Variants in PRKG1 observed in about 807,000 individuals in gnomAD.
The protein encoded by PRKG1 is protein kinase cGMP-dependent 1.
PRKG1 carries 35 observed loss-of-function variants against 88.1 expected under a neutral mutation model. That is an observed-to-expected ratio of 0.40 (90% CI 0.30 to 0.53). PRKG1 has a LOEUF of 0.53. Among genes scored for constraint, PRKG1 ranks in the 20% least tolerant of loss-of-function variants. The pLI, the probability that PRKG1 is intolerant of heterozygous loss-of-function variation, is 0.59. For missense variants in PRKG1, 540 were observed against 839.8 expected (o/e 0.64, Z 4.41); for synonymous variants, 303 against 292.5 (o/e 1.04, Z -0.37).
chr10:51,195,821 T>C (rs891273781), intron 2 of PRKG1, among the ~76,000 whole-genome samples: 4 of 152,220 alleles, frequency 2.6e-5, no homozygotes, highest in African/African-American at 9.6e-5. Flanking sequence ...TATTCTTTTA[T>C]ACTAAATTTC....
At chr10:52,113,044 A>G (rs1364934577) in intron 7 of PRKG1, among the ~76,000 whole-genome samples, 1 of 152,120 alleles carries the variant, frequency 6.6e-6, no homozygotes, top group African/African-American at 2.4e-5. Flanking sequence ...TGTTTACTGA[A>G]GCTTCTTTAT....
intron 7 of PRKG1, among the ~76,000 whole-genome samples, chr10:52,077,688 G>A (rs1006979251): frequency 3.3e-5 from 5 of 152,016 alleles, no homozygotes; most frequent in Non-Finnish European, 7.4e-5. Context: ...CTACACACAG[G>A]AGGCTCAGAG....
intron 2 of PRKG1, among the ~76,000 whole-genome samples, chr10:51,417,580 G>A (rs981585543): frequency 3.9e-5 from 6 of 152,060 alleles, no homozygotes; most frequent in Admixed American, 2.0e-4. Flanking sequence ...AGAATTGTAG[G>A]GAATGAGTAA....
At chr10:51,216,251 C>T (rs1050632414) in intron 2 of PRKG1, among the ~76,000 whole-genome samples, 3 of 152,224 alleles carry the variant, frequency 2.0e-5, no homozygotes, top group Admixed American at 2.0e-4. Flanking sequence ...GCAATAACAA[C>T]ATTCAGCATT....
At chr10:51,019,661 A>T (rs78954692) in intron 1 of PRKG1, among the ~76,000 whole-genome samples, 2,311 of 152,080 alleles carry the variant, frequency 0.015, 24 homozygotes, top group Non-Finnish European at 0.023. Context: ...CATGAAAATT[A>T]AAAAAAATTG....
At chr10:51,675,395 A>G (rs766806234) in intron 3 of PRKG1, among the ~76,000 whole-genome samples, 1 of 152,216 alleles carries the variant, frequency 6.6e-6, no homozygotes, top group Non-Finnish European at 1.5e-5. Flanking sequence ...TGATTCTGCA[A>G]ATAACAAAAG....
intron 3 of PRKG1, among the ~76,000 whole-genome samples, chr10:51,737,335 G>A (rs187215169): frequency 7.9e-5 from 12 of 152,272 alleles, no homozygotes; most frequent in Admixed American, 2.6e-4. Context: ...TCTAAAGAGC[G>A]TGTCTCTGCT....
At chr10:51,993,312 T>C (rs1245696109) in intron 5 of PRKG1, among the ~76,000 whole-genome samples, 1 of 151,960 alleles carries the variant, frequency 6.6e-6, no homozygotes, top group Non-Finnish European at 1.5e-5. Context: ...TGTGCCTTGA[T>C]AAAACTTCTC....
intron 7 of PRKG1, among the ~76,000 whole-genome samples, chr10:52,073,905 G>A (rs893688055): frequency 6.6e-5 from 10 of 152,130 alleles, no homozygotes; most frequent in South Asian, 2.1e-4. Context: ...GTATGGGAGC[G>A]CCTTAGCATT....
chr10:51,143,204 A>T (rs1225284149), intron 1 of PRKG1, among the ~76,000 whole-genome samples: 1 of 152,074 alleles, frequency 6.6e-6, no homozygotes, highest in Non-Finnish European at 1.5e-5. Flanking sequence ...ACTTTTTAAG[A>T]TTCCACATAT....
intron 1 of PRKG1, among the ~76,000 whole-genome samples, chr10:51,057,487 G>C (rs1473152561): frequency 2.0e-5 from 3 of 152,116 alleles, no homozygotes; most frequent in African/African-American, 7.2e-5. Flanking sequence ...CCTTACAGCA[G>C]TATAATCACC....
chr10:52,264,960 G>A (rs1407316859), intron 10 of PRKG1, among the ~76,000 whole-genome samples: 1 of 151,992 alleles, frequency 6.6e-6, no homozygotes, highest in East Asian at 1.9e-4. Flanking sequence ...TGTGTTACTT[G>A]GAGTATTTCC....
intron 10 of PRKG1, among the ~76,000 whole-genome samples, chr10:52,259,682 C>T (rs959479482): frequency 1.8e-4 from 27 of 152,046 alleles, no homozygotes; most frequent in African/African-American, 6.0e-4. Context: ...CTTTCACGTT[C>T]ACACTGAGAG....
At chr10:51,833,437 G>C (rs1444480963) in intron 4 of PRKG1, among the ~76,000 whole-genome samples, 4 of 152,118 alleles carry the variant, frequency 2.6e-5, no homozygotes, top group Non-Finnish European at 5.9e-5. Flanking sequence ...AATGCTGATA[G>C]GTATGTATTA....
At chr10:51,817,896 A>G (rs548295437) in intron 4 of PRKG1, among the ~76,000 whole-genome samples, 15 of 152,246 alleles carry the variant, frequency 9.9e-5, no homozygotes, top group African/African-American at 3.4e-4. Context: ...ATACATTCAT[A>G]TGTATAAGTG....
rs115199963 is a variant in PRKG1 at position 51,356,789 on chromosome 10, C to T, written c.479-110934C>T. Among the ~76,000 whole-genome samples the T allele has an allele frequency of 3.1e-3, 469 of 152,016 alleles. 1 individual carries two copies. Among genetic ancestry groups the T allele is most frequent in the African/African-American group, 0.011 (444 of 41,508 alleles). ...AGTAAATTTATTTGACTCTTTTCAT[C>T]CTCTATTTCTAGCCAGCCATGGGCA... On this transcript the variant is annotated intron_variant, in intron 2 of 17. Coordinates refer to ENST00000373980, the MANE Select transcript of PRKG1 (RefSeq NM_006258.4).
chr10:51,763,654 G>A (rs1838082832), intron 3 of PRKG1, among the ~76,000 whole-genome samples: 1 of 149,992 alleles, frequency 6.7e-6, no homozygotes. Context: ...TTACTGACCT[G>A]TTAATAAAGT....
At chr10:51,590,404 C>G (rs1185751774) in intron 3 of PRKG1, among the ~76,000 whole-genome samples, 4 of 152,140 alleles carry the variant, frequency 2.6e-5, no homozygotes, top group Admixed American at 6.6e-5. Context: ...TTTTCTTTCC[C>G]CATTGTATGC....
intron 1 of PRKG1, among the ~76,000 whole-genome samples, chr10:51,006,858 T>A (rs1307558598): frequency 6.6e-6 from 1 of 151,908 alleles, no homozygotes; most frequent in Non-Finnish European, 1.5e-5. Flanking sequence ...CTTCTCAAAC[T>A]CTAGTTTACA....
Sources: allele counts gnomAD v4.1 joint callset (sites outside exome capture counted in the v4.1 genomes callset), GRCh38; gene constraint gnomAD v4.1.1; transcripts MANE v1.5; gene names NCBI Gene and HGNC (gene_info 2026-07-23, HGNC 2026-07-21).